Variants in TSPAN11 observed in about 807,000 individuals in gnomAD.
TSPAN11 encodes tetraspanin 11.
Under a neutral mutation model 32.9 loss-of-function variants are expected in TSPAN11, and 29 were observed. The observed-to-expected ratio is 0.88, with a 90% CI of 0.66 to 1.20. The LOEUF (loss-of-function observed/expected upper bound fraction) is 1.20, where lower values mean the gene tolerates loss of function less well. Among genes scored for constraint, TSPAN11 ranks in the 50% most tolerant of loss-of-function variants. TSPAN11 has a pLI of 0.00. For missense variants in TSPAN11, 283 were observed against 329.1 expected, an observed-to-expected ratio of 0.86 and a Z score of 1.08; for synonymous variants, 140 against 141.3, an observed-to-expected ratio of 0.99 and a Z score of 0.07.
chr12:30,993,786 A>G lies in TSPAN11; in HGVS notation c.*1871A>G, dbSNP rs1289424350. On this transcript the variant is annotated 3_prime_UTR_variant, in exon 8 of 8. Transcript: ENST00000546076. The stretch of plus-strand genomic sequence containing the variant: ...CAGAGGGAGAGTGGTGAGAGAGAGA[A>G]AGAGGGTACTGGGCTAGAGCCATGT... 1 of 152,304 alleles carries G rather than the reference A, an allele frequency of 6.6e-6. No homozygotes were observed. The highest frequency in any genetic ancestry group is 1.5e-5 in the Non-Finnish European group (1 of 68,080). The allele number at this position is 152,304 out of a possible 1,614,324, so 9.4% of individuals were successfully genotyped here. A position where few individuals can be genotyped will look rare whatever the true frequency, so the allele number is the denominator to read the frequency against.
intron 5 of TSPAN11, among the ~76,000 whole-genome samples, 156 bp downstream of exon 5, chr12:30,979,826 A>ATGT (rs1376942213): frequency 6.6e-6 from 1 of 152,236 alleles, no homozygotes. Context: ...GCACATGAGC[A>ATGT]TTAAACCTGG....
At chr12:30,955,092 A>G (rs1473442815) in intron 2 of TSPAN11, 3 of 152,212 alleles carry the variant, frequency 2.0e-5, no homozygotes, top group Non-Finnish European at 4.4e-5. Context: ...AAAGACCATG[A>G]TGTGAGAGTT....
At chr12:30,991,730 C>A in intron 7 of TSPAN11, 126 bp from the exon 8 acceptor site, 1 of 958,430 alleles carries the variant, frequency 1.0e-6, no homozygotes, top group Non-Finnish European at 1.6e-6. Context: ...CAGTTTTGAG[C>A]AGGAATCTGC....
intron 2 of TSPAN11, among the ~76,000 whole-genome samples, chr12:30,963,129 TCCTCC>T: frequency 6.6e-6 from 1 of 152,156 alleles, no homozygotes; most frequent in Admixed American, 6.5e-5. Flanking sequence ...AAAAAGTTTC[TCCTCC>T]TGCAGTCCCA....
At chr12:30,951,542 G>C (rs1198954740) in intron 1 of TSPAN11, among the ~76,000 whole-genome samples, 1 of 152,098 alleles carries the variant, frequency 6.6e-6, no homozygotes, top group Non-Finnish European at 1.5e-5. Flanking sequence ...TATTTAACCT[G>C]TCTAAACCTC....
the TSPAN11 span, among the ~76,000 whole-genome samples, chr12:31,005,021 C>T: frequency 6.6e-6 from 1 of 152,220 alleles, no homozygotes; most frequent in Admixed American, 6.5e-5. Context: ...GTGTCCTCTC[C>T]ACGCATTCTG....
chr12:31,015,322 C>T, the TSPAN11 span: 5 of 152,318 alleles, frequency 3.3e-5, no homozygotes, highest in African/African-American at 1.2e-4. The surrounding 1 kb of genome is among the most constrained non-coding windows in gnomAD (Gnocchi z 4.9). Context: ...TGGAGCCCGT[C>T]CTGCACACCG....
At chr12:31,011,722 A>G in the TSPAN11 span, among the ~76,000 whole-genome samples, 1 of 152,206 alleles carries the variant, frequency 6.6e-6, no homozygotes, top group African/African-American at 2.4e-5. Flanking sequence ...GATTCCATGA[A>G]ACTAACACAG....
At chr12:30,946,369 G>T (rs1000156437) in intron 1 of TSPAN11, among the ~76,000 whole-genome samples, 7 of 152,176 alleles carry the variant, frequency 4.6e-5, no homozygotes, top group African/African-American at 1.4e-4. Context: ...TTGCTCAGGA[G>T]AACCACTCTA....
At chr12:30,953,433 G>C (rs1938420525) in intron 1 of TSPAN11, among the ~76,000 whole-genome samples, 1 of 152,038 alleles carries the variant, frequency 6.6e-6, no homozygotes, top group Non-Finnish European at 1.5e-5. Context: ...CAAACCACCA[G>C]GCCTGTCTGG....
chr12:30,975,401 T>C lies in TSPAN11; in HGVS notation c.277-3160T>C, dbSNP rs1448487978. ...CACCTGTGCCCACCAGCACCCGGCCTCAGTCCCCTTGAAGCCCCAGGCCAG... is the reference window on the plus strand; with the variant it reads ...CACCTGTGCCCACCAGCACCCGGCCCCAGTCCCCTTGAAGCCCCAGGCCAG... On this transcript the variant is annotated intron_variant, in intron 3 of 7. Coordinates refer to ENST00000546076, the MANE Select transcript of TSPAN11 (RefSeq NM_001370302.1). This position sits in a 1 kb window ranked among gnomAD's most constrained non-coding sequence, Gnocchi z 4.5. Among the ~76,000 whole-genome samples the C allele has an allele frequency of 6.6e-6, 1 of 152,030 alleles. No homozygotes were observed. Among genetic ancestry groups the C allele is most frequent in the Non-Finnish European group, 1.5e-5 (1 of 67,984 alleles).
chr12:30,949,110 C>G (rs1156937654), intron 1 of TSPAN11, among the ~76,000 whole-genome samples: 1 of 152,210 alleles, frequency 6.6e-6, no homozygotes, highest in Non-Finnish European at 1.5e-5. Context: ...ACCACCTCAG[C>G]CTGGACCTTA....
intron 3 of TSPAN11, among the ~76,000 whole-genome samples, chr12:30,978,064 C>T (rs1368360689): frequency 6.6e-6 from 1 of 152,180 alleles, no homozygotes; most frequent in African/African-American, 2.4e-5. Flanking sequence ...ACTTGTTCTC[C>T]CCTCTTCCTG....
chr12:31,002,368 C>T, the TSPAN11 span, among the ~76,000 whole-genome samples: 1 of 152,320 alleles, frequency 6.6e-6, no homozygotes, highest in East Asian at 1.9e-4. This position sits in a 1 kb window ranked among gnomAD's most constrained non-coding sequence, Gnocchi z 4.8. Flanking sequence ...GTTCTTTATG[C>T]CTGCCTCCTC....
the TSPAN11 span, among the ~76,000 whole-genome samples, chr12:31,008,111 CTTTTTTTTTTTTT>C: frequency 6.9e-6 from 1 of 145,432 alleles, no homozygotes; most frequent in Non-Finnish European, 1.5e-5. Flanking sequence ...TTTCTTTTTT[CTTTTTTTTTTTTT>C]TTTTGCATAA....
intron 1 of TSPAN11, among the ~76,000 whole-genome samples, chr12:30,941,074 G>A (rs79185755): frequency 9.8e-5 from 15 of 152,320 alleles, no homozygotes; most frequent in South Asian, 8.3e-4. Context: ...GTTGGGGACC[G>A]CTGTTACAAG....
intron 7 of TSPAN11, among the ~76,000 whole-genome samples, chr12:30,990,084 G>A (rs1592499592): frequency 1.3e-5 from 2 of 152,220 alleles, no homozygotes; most frequent in South Asian, 2.1e-4. Context: ...GCCTATTCAG[G>A]AACCAGACTG....
chr12:30,963,730 G>A lies in TSPAN11; in HGVS notation c.85-96G>A, dbSNP rs1592480250. On this transcript the variant is annotated intron_variant, in intron 2 of 7. Coordinates refer to ENST00000546076, the MANE Select transcript of TSPAN11 (RefSeq NM_001370302.1). ...CTCCTTTGGAGGACTGAATGAGCCA[G>A]TGCAAGAGAAGTGCCTGGCACCCTG... The A allele has an allele frequency of 3.6e-6, 5 of 1,372,170 alleles. No homozygotes were observed. The South Asian group carries it at 6.7e-5, about 19-fold the overall frequency. The allele number at this position is 1,372,170 out of a possible 1,614,324, so 85.0% of individuals were successfully genotyped here. A position where few individuals can be genotyped will look rare whatever the true frequency, so the allele number is the denominator to read the frequency against.
Position 30,979,414 on chromosome 12 carries a change from T to C in TSPAN11, c.352-152T>C, listed in dbSNP as rs1565802120. 10 of 689,380 alleles carry C rather than the reference T, an allele frequency of 1.5e-5. No individual in the cohort carries two copies. The East Asian group carries it at 2.4e-4, about 17-fold the overall frequency. The allele number at this position is 689,380 out of a possible 1,614,324, so 42.7% of individuals were successfully genotyped here. A position where few individuals can be genotyped will look rare whatever the true frequency, so the allele number is the denominator to read the frequency against. ...CATCTTCTACACTGTCTCTGGCTGA[T>C]GGTCCCTTACGCTGTTGAGAAACCT... On this transcript the variant is annotated intron_variant, in intron 4 of 7. Transcript: ENST00000546076.
Sources: gnomAD v4.1 joint callset for allele counts (sites outside exome capture counted in the v4.1 genomes callset) on GRCh38, gnomAD v4.1.1 for gene constraint, Gnocchi (gnomAD v3.1) non-coding constraint, MANE v1.5 for transcripts, NCBI Gene and HGNC (gene_info 2026-07-23, HGNC 2026-07-21) for gene names.